Variants in RNF111 observed in about 807,000 individuals in gnomAD.
RNF111 encodes the protein E3 ubiquitin-protein ligase Arkadia.
Under a neutral mutation model 95.1 loss-of-function variants are expected in RNF111, and 17 were observed. That is an observed-to-expected ratio of 0.18 (90% CI 0.12 to 0.27). The LOEUF is 0.27. Among genes scored for constraint, RNF111 ranks in the 10% least tolerant of loss-of-function variants. RNF111 has a pLI of 1.00. For synonymous variants in RNF111, 440 were observed against 414.8 expected, an observed-to-expected ratio of 1.06 and a Z score of -0.74; for missense variants, 1,189 against 1,210.4, an observed-to-expected ratio of 0.98 and a Z score of 0.26.
chr15:59,004,868 T>C (rs2039468511), intron 1 of RNF111, among the ~76,000 whole-genome samples: 1 of 152,156 alleles, frequency 6.6e-6, no homozygotes, highest in Non-Finnish European at 1.5e-5. Context: ...AATAAATGGC[T>C]CTAAATATTA....
chr15:59,020,567 T>C (rs1410355244), intron 1 of RNF111, among the ~76,000 whole-genome samples: 4 of 152,228 alleles, frequency 2.6e-5, no homozygotes, highest in Non-Finnish European at 5.9e-5. Flanking sequence ...CCAGTTTGTA[T>C]TGACAGGAGA....
rs1192785394 is a variant in RNF111, at chr15:59,066,783, A to G, written c.1386A>G (p.Thr462=). 3.7e-6 allele frequency: 6 copies of G among 1,613,748 alleles called. No individual in the cohort carries two copies. The highest frequency in any genetic ancestry group is 3.3e-4 in the Middle Eastern group (2 of 6,084). Residue 462 remains threonine, a synonymous_variant, in exon 6 of 14, where the codon ACA becomes ACG. Coordinates refer to ENST00000348370, the MANE Select transcript of RNF111 (RefSeq NM_017610.8). ...TSIGDDSRRT[T]SSAVTETGPP... is the part of the protein sequence containing the mutation. Reference sequence around the variant, plus strand: ...TTCAAGATGACTCAAGGAGAACTACATCTAGTGCTGTAACGGAAACTGGCC... The same window carrying G: ...TTCAAGATGACTCAAGGAGAACTACGTCTAGTGCTGTAACGGAAACTGGCC...
At chr15:59,000,050 C>G (rs1412648261) in intron 1 of RNF111, among the ~76,000 whole-genome samples, 4 of 152,074 alleles carry the variant, frequency 2.6e-5, no homozygotes, top group Non-Finnish European at 5.9e-5. Context: ...GGGAATTACA[C>G]TTTGACCTGA....
chr15:59,041,540 G>A (rs1184305494), intron 2 of RNF111, among the ~76,000 whole-genome samples: 1 of 152,082 alleles, frequency 6.6e-6, no homozygotes, highest in African/African-American at 2.4e-5. Flanking sequence ...CAGCCTGGGT[G>A]ACAGAGTGGG....
chr15:59,055,572 A>C, intron 3 of RNF111, 110 bp from the exon 4 acceptor site: 1 of 819,314 alleles, frequency 1.2e-6, no homozygotes, highest in South Asian at 2.7e-5. Flanking sequence ...ATTTCTTTGG[A>C]GAAATCTTGT....
intron 5 of RNF111, among the ~76,000 whole-genome samples, chr15:59,065,621 G>T (rs1596253133): frequency 6.6e-6 from 1 of 152,170 alleles, no homozygotes; most frequent in East Asian, 1.9e-4. Flanking sequence ...TAAGTCATTA[G>T]ATTACTTTAA....
At chr15:59,000,087 C>G (rs1158032241) in intron 1 of RNF111, among the ~76,000 whole-genome samples, 1 of 151,920 alleles carries the variant, frequency 6.6e-6, no homozygotes, top group Non-Finnish European at 1.5e-5. Context: ...CAGATCCAGA[C>G]CATATCAATA....
chr15:59,080,114 CTTTTTT>C (rs1194255542), intron 7 of RNF111, among the ~76,000 whole-genome samples: 1 of 85,472 alleles, frequency 1.2e-5, no homozygotes, highest in East Asian at 3.5e-4. Flanking sequence ...TTGTGTGCTC[CTTTTTT>C]TTTTTTTTTT....
At chr15:59,089,903 C>T (rs558074313) in intron 11 of RNF111, 144 bp downstream of exon 11, 97 of 555,588 alleles carry the variant, frequency 1.7e-4, no homozygotes, top group Non-Finnish European at 2.9e-4. Context: ...CTGGGAGTTA[C>T]AGAAATATTT....
chr15:58,988,538 G>T (rs2038670151), intron 1 of RNF111: 1 of 152,376 alleles, frequency 6.6e-6, no homozygotes. Flanking sequence ...TTTGTATGGA[G>T]TTGGCTTGTT....
At chr15:59,089,963 G>C (rs1292289347) in intron 11 of RNF111, among the ~76,000 whole-genome samples, 1 of 152,072 alleles carries the variant, frequency 6.6e-6, no homozygotes, top group Non-Finnish European at 1.5e-5. Context: ...ATTTAAAGAT[G>C]AGTAAATGAA....
At chr15:59,047,110 A>T (rs558301821) in intron 2 of RNF111, among the ~76,000 whole-genome samples, 1 of 152,116 alleles carries the variant, frequency 6.6e-6, no homozygotes, top group Non-Finnish European at 1.5e-5. Context: ...GGCATGAGCC[A>T]TCATGCCTGG....
chr15:59,034,422 T>C (rs917852690), intron 2 of RNF111, among the ~76,000 whole-genome samples: 2 of 152,216 alleles, frequency 1.3e-5, no homozygotes, highest in African/African-American at 4.8e-5. Flanking sequence ...GTGATGATAA[T>C]AAAAATATCT....
chr15:59,045,113 A>G (rs2041643017), intron 2 of RNF111, among the ~76,000 whole-genome samples: 1 of 152,088 alleles, frequency 6.6e-6, no homozygotes, highest in South Asian at 2.1e-4. Flanking sequence ...TGAGGTTTCA[A>G]AATGTTACAT....
chr15:59,037,913 T>C (rs1273474164), intron 2 of RNF111, among the ~76,000 whole-genome samples: 3 of 152,180 alleles, frequency 2.0e-5, no homozygotes, highest in Non-Finnish European at 4.4e-5. Flanking sequence ...TGCTCCTAAA[T>C]AAGAGAGCTT....
rs1003996050 is a variant in RNF111, at chr15:59,047,700, C to T, written c.881-4605C>T. ...AAGCTGTCTTCCTACCTCAGCCTCC[C>T]AAGTATCTGGGACTACAGGCATGTG... is the stretch of plus-strand genomic sequence containing the variant. On this transcript the variant is annotated intron_variant, in intron 2 of 13. Transcript: ENST00000348370. Among the ~76,000 whole-genome samples, 5 of 152,128 alleles carry T rather than the reference C, an allele frequency of 3.3e-5. No individual in the cohort carries two copies. In the East Asian group the frequency reaches 7.7e-4, roughly 24 times the overall value.
chr15:59,008,260 C>T (rs2039631019), intron 1 of RNF111, among the ~76,000 whole-genome samples: 1 of 152,192 alleles, frequency 6.6e-6, no homozygotes, highest in Non-Finnish European at 1.5e-5. Flanking sequence ...CTCTGTTGCC[C>T]AGGCTGCAGT....
chr15:59,085,954 C>G (rs537064933), intron 10 of RNF111, among the ~76,000 whole-genome samples, 169 bp downstream of exon 10: 1 of 152,046 alleles, frequency 6.6e-6, no homozygotes, highest in Non-Finnish European at 1.5e-5. Flanking sequence ...AAAATCTGCA[C>G]GTATAATTTG....
chr15:59,025,123 G>A (rs1162179221), intron 1 of RNF111, among the ~76,000 whole-genome samples: 4 of 152,150 alleles, frequency 2.6e-5, no homozygotes, highest in African/African-American at 9.7e-5. Flanking sequence ...ATGCTGTTAC[G>A]ATCCGCCCTC....
Sources: allele counts gnomAD v4.1 joint callset (sites outside exome capture counted in the v4.1 genomes callset), GRCh38; gene constraint gnomAD v4.1.1; transcripts MANE v1.5; gene names NCBI Gene and HGNC (gene_info 2026-07-23, HGNC 2026-07-21).